ACAP1: variants seen among roughly 807,000 people sequenced by gnomAD.
The protein encoded by ACAP1 is ArfGAP with coiled-coil, ankyrin repeat and PH domains 1.
Under a neutral mutation model 98.8 loss-of-function variants are expected in ACAP1, and 45 were observed. The ratio of observed to expected loss-of-function variants is 0.46; its 90% CI spans 0.36 to 0.58. The LOEUF is 0.58. ACAP1 is among the 20% of genes least tolerant of loss of function. The pLI, the probability that ACAP1 is intolerant of heterozygous loss-of-function variation, is 0.00. For missense variants in ACAP1, 735 were observed against 971.4 expected, an observed-to-expected ratio of 0.76 and a Z score of 3.24; for synonymous variants, 362 against 375.3, an observed-to-expected ratio of 0.96 and a Z score of 0.41.
Position 7,348,476 on chromosome 17 carries a change from G to A in ACAP1, c.1678+1G>A. ...CCAGGGAGCTTGAGATCCAAGCCAGGTATAGGGTTGGTTGGGCATTCATTG... is the reference window on the plus strand; with the variant it reads ...CCAGGGAGCTTGAGATCCAAGCCAGATATAGGGTTGGTTGGGCATTCATTG... On this transcript the variant is annotated splice_donor_variant, in intron 17 of 21. Coordinates refer to ENST00000158762, the MANE Select transcript of ACAP1 (RefSeq NM_014716.4). LOFTEE classifies it high-confidence loss of function. The A allele has an allele frequency of 6.8e-7, 1 of 1,472,204 alleles. No homozygotes were observed. The highest frequency in any genetic ancestry group is 1.4e-5 in the African/African-American group (1 of 71,000). The allele number at this position is 1,472,204 out of a possible 1,614,324, so 91.2% of individuals were successfully genotyped here.
intron 5 of ACAP1, 196 bp downstream of exon 5, chr17:7,342,670 C>G (rs776360366): frequency 6.2e-6 from 4 of 641,492 alleles, no homozygotes; most frequent in African/African-American, 5.5e-5. Flanking sequence ...GAGGCCAAGG[C>G]GGGCGGATCA....
At position 7,347,223 on chromosome 17, in the gene ACAP1, C is replaced by T; in HGVS notation, c.1324C>T (p.Gln442Ter). ...CAACCTTGGTGTCACCCTCTGCATT[C>T]AGTGTTCCGGCATCCACAGGTTACT... ...SINLGVTLCI[Q>*]CSGIHRSLGV... The change falls in exon 14 of 22, where the codon CAG becomes TAG. Residue 442 changes from glutamine (Q) to a stop codon, truncating the protein, a stop_gained. Coordinates refer to ENST00000158762, the MANE Select transcript of ACAP1 (RefSeq NM_014716.4). LOFTEE classifies it high-confidence loss of function. The T allele has an allele frequency of 1.9e-6, 3 of 1,613,110 alleles. No homozygotes were observed. Among genetic ancestry groups the T allele is most frequent in the Non-Finnish European group, 2.5e-6 (3 of 1,179,404 alleles).
chr17:7,348,169 G>C lies in ACAP1; in HGVS notation c.1456G>C (p.Glu486Gln). ...LGNVIINQIYEARVEAMAVKK... is the reference protein window; with the variant it reads ...LGNVIINQIYQARVEAMAVKK... The stretch of plus-strand genomic sequence containing the variant: ...AAATGTCATCATCAACCAGATCTAT[G>C]AGGCCCGCGTGGAGGCCATGGCAGT... The change falls in exon 16 of 22, where the codon GAG (glutamate) becomes CAG (glutamine). Residue 486 changes from glutamate (E) to glutamine (Q), a missense_variant. This residue lies in a region of ACAP1 where 81 missense variants were observed against 132.0 expected (regional missense o/e 0.61). Transcript: ENST00000158762. The C allele has an allele frequency of 6.2e-7, 1 of 1,614,064 alleles. No individual in the cohort carries two copies.
chr17:7,347,815 C>T (rs113180181), intron 14 of ACAP1, 107 bp from the exon 15 acceptor site: 19,505 of 911,564 alleles, frequency 0.021, 274 homozygotes, highest in Non-Finnish European at 0.029. Context: ...CACCTCTGCA[C>T]GGGCCCCCAT....
At position 7,343,268 on chromosome 17, in the gene ACAP1, T is replaced by C. The variant is rs1432378906; in HGVS notation, c.345-111T>C. On this transcript the variant is annotated intron_variant, in intron 5 of 21. Transcript: ENST00000158762. The surrounding 1 kb of genome is among the most constrained non-coding windows in gnomAD (Gnocchi z 4.9). ...CTTCCGTCCCAGGGATCACCTTGGG[T>C]TTCCCACGTTGCAGAGACTAACTGA... The C allele has an allele frequency of 4.3e-6, 5 of 1,173,712 alleles. No homozygotes were observed. Among genetic ancestry groups the C allele is most frequent in the Non-Finnish European group, 4.8e-6 (4 of 832,298 alleles). 72.7% of individuals were successfully genotyped at this position (1,173,712 alleles called of 1,614,324 possible).
chr17:7,347,018 C>T lies in ACAP1; in HGVS notation c.1132-13C>T. The stretch of plus-strand genomic sequence containing the variant: ...GGCCCCTTGGCCACCCTTTCTTCCC[C>T]TCTCTCCCCCAGGGCTCAGGACACC... On this transcript the variant is annotated splice_polypyrimidine_tract_variant and intron_variant, in intron 13 of 21. Coordinates refer to ENST00000158762, the MANE Select transcript of ACAP1 (RefSeq NM_014716.4). 1 of 1,571,136 alleles carries T rather than the reference C, an allele frequency of 6.4e-7. No individual in the cohort carries two copies. The highest frequency in any genetic ancestry group is 8.7e-7 in the Non-Finnish European group (1 of 1,153,948).
At chr17:7,348,941 T>C (rs1247092804) in intron 17 of ACAP1, 54 bp from the exon 18 acceptor site, 17 of 1,552,962 alleles carry the variant, frequency 1.1e-5, no homozygotes, top group Non-Finnish European at 1.5e-5. Context: ...GCTGAGGGTT[T>C]TCTTCCCAGA....
In ACAP1 at chr17:7,348,425, C is replaced by T. The variant is rs764835032; in HGVS notation, c.1628C>T (p.Pro543Leu). 38 of 1,512,074 alleles carry T rather than the reference C, an allele frequency of 2.5e-5. No homozygotes were observed. In the South Asian group the frequency reaches 3.7e-4, roughly 15 times the overall value. 93.7% of individuals were successfully genotyped at this position (1,512,074 alleles called of 1,614,324 possible). A position where few individuals can be genotyped will look rare whatever the true frequency, so the allele number is the denominator to read the frequency against. ...CGCCCAAGGGGGCAGCCTCCTGTGC[C>T]CCCAAAGCCTTCCATCAGGCCCCGG... The part of the protein sequence containing the change: ...RGRPRGQPPV[P>L]PKPSIRPRPG... The change falls in exon 17 of 22, where the codon CCC (proline) becomes CTC (leucine). Residue 543 changes from proline to leucine, a missense_variant. By Grantham distance (98) the Pro-to-Leu change is moderately conservative. Transcript: ENST00000158762.
In ACAP1 at chr17:7,349,095, C is replaced by T. The variant is rs761183444; in HGVS notation, c.1779C>T (p.Ala593=). The T allele has an allele frequency of 2.5e-6, 4 of 1,614,054 alleles. No homozygotes were observed. In the South Asian group the frequency reaches 4.4e-5, roughly 18 times the overall value. ...TTCCCACCATGGCTGATGCCCTTGC[C>T]CATGGAGCTGATGTCAACTGGGTCA... ...PSLPTMADAL[A]HGADVNWVNG... Residue 593 remains alanine (A), a synonymous_variant, in exon 18 of 22, where the codon GCC becomes GCT. Coordinates refer to ENST00000158762, the MANE Select transcript of ACAP1 (RefSeq NM_014716.4).
rs1411396381 is a variant in ACAP1 at position 7,350,310 on chromosome 17, G to C, written c.2072+73G>C. On this transcript the variant is annotated intron_variant, in intron 20 of 21. Transcript: ENST00000158762. This position sits in a 1 kb window ranked among gnomAD's most constrained non-coding sequence, Gnocchi z 4.6. ...CCCGCCCACCCACGTTCGGGCGGGC[G>C]GGCGGGGCTGACGCCGAAACAGAAG... The C allele has an allele frequency of 8.1e-7, 1 of 1,238,728 alleles. No homozygotes were observed. The highest frequency in any genetic ancestry group is 1.1e-6 in the Non-Finnish European group (1 of 877,060). The allele number at this position is 1,238,728 out of a possible 1,614,324, so 76.7% of individuals were successfully genotyped here.
In ACAP1 at chr17:7,348,359, C is replaced by T. The variant is rs201511359; in HGVS notation, c.1562C>T (p.Thr521Ile). 101 of 1,576,104 alleles carry T rather than the reference C, an allele frequency of 6.4e-5. 2 individuals are homozygous for T. Among genetic ancestry groups the T allele is most frequent in the South Asian group, 1.5e-4 (13 of 86,400 alleles). ...HAKYVEKKFL[T>I]KLPEIRGRRG... is the part of the protein sequence containing the mutation. ...AAATACGTGGAGAAGAAGTTCCTGA[C>T]CAAGCTGCCTGAGATTCGAGGGCGA... is the stretch of plus-strand genomic sequence containing the variant. The change falls in exon 17 of 22, where the codon ACC becomes ATC. Residue 521 changes from threonine (T) to isoleucine (I), a missense_variant. Physicochemically the swap from Thr to Ile is moderately conservative, Grantham distance 89. Transcript: ENST00000158762.
chr17:7,351,133 C>A, intron 21 of ACAP1, 134 bp downstream of exon 21: 1 of 1,123,510 alleles, frequency 8.9e-7, no homozygotes, highest in Non-Finnish European at 1.3e-6. Context: ...GCGCATGCGA[C>A]GTGCCAGGCC....
At chr17:7,341,863 G>A (rs2073283393) in intron 2 of ACAP1, 85 bp from the exon 3 acceptor site, 17 of 1,582,968 alleles carry the variant, frequency 1.1e-5, no homozygotes, top group African/African-American at 1.3e-5. Context: ...CCCTGGGCAA[G>A]GGGAGAGGAA....
rs569871364 is a variant in ACAP1 at position 7,340,132 on chromosome 17, C to A, written c.112-1816C>A. On this transcript the variant is annotated intron_variant, in intron 2 of 21. Transcript: ENST00000158762. Reference sequence around the variant, plus strand: ...CTGTTTTGTTTTTAAATTAGCCAGGCATGGTGGTGTGTGCCTGTAGTCTCA... The same window carrying A: ...CTGTTTTGTTTTTAAATTAGCCAGGAATGGTGGTGTGTGCCTGTAGTCTCA... Among the ~76,000 whole-genome samples, 3 of 152,030 alleles carry A rather than the reference C, an allele frequency of 2.0e-5. No homozygotes were observed. In the South Asian group the frequency reaches 6.2e-4, roughly 32 times the overall value.
Position 7,343,387 on chromosome 17 carries a change from G to A in ACAP1, c.353G>A (p.Arg118Gln), listed in dbSNP as rs200521215. Reference sequence around the variant, plus strand: ...TATTTTCCCATCCTCAGAGGTCTGCGGGGTTTCCGAGAGGCTCGCCGGGAT... The same window carrying A: ...TATTTTCCCATCCTCAGAGGTCTGCAGGGTTTCCGAGAGGCTCGCCGGGAT... ...QIQTLVKEGL[R>Q]GFREARRDFW... The change falls in exon 6 of 22, where the codon CGG (arginine) becomes CAG (glutamine). Residue 118 changes from arginine (R) to glutamine (Q), a missense_variant. Transcript: ENST00000158762. The surrounding 1 kb of genome is among the most constrained non-coding windows in gnomAD (Gnocchi z 4.9). 8.8e-5 allele frequency: 142 copies of A among 1,612,834 alleles called. No homozygotes were observed. In the East Asian group the frequency reaches 2.8e-3, roughly 32 times the overall value.
At chr17:7,349,584 C>T (rs2073382653) in intron 18 of ACAP1, 4 of 269,578 alleles carry the variant, frequency 1.5e-5, no homozygotes, top group Non-Finnish European at 2.8e-5. Context: ...ACCGTGTTAG[C>T]CAGGATGGTC....
At chr17:7,349,379 C>CG (rs2073379758) in intron 18 of ACAP1, 1 of 368,978 alleles carries the variant, frequency 2.7e-6, no homozygotes, top group Non-Finnish European at 4.9e-6. Context: ...TTACAGGAGA[C>CG]TTTTTTTTTT....
chr17:7,343,654 T>A lies in ACAP1; in HGVS notation c.529-52T>A. On this transcript the variant is annotated intron_variant, in intron 6 of 21. Coordinates refer to ENST00000158762, the MANE Select transcript of ACAP1 (RefSeq NM_014716.4). The surrounding 1 kb of genome is among the most constrained non-coding windows in gnomAD (Gnocchi z 4.9). Reference sequence around the variant, plus strand: ...TCCAGTGTGCAGTGGGAAGGGGTGCTGTGTCTTCAAGACTGATCTGGGGTT... The same window carrying A: ...TCCAGTGTGCAGTGGGAAGGGGTGCAGTGTCTTCAAGACTGATCTGGGGTT... The A allele has an allele frequency of 6.2e-7, 1 of 1,601,446 alleles. No homozygotes were observed.
chr17:7,342,046 T>C lies in ACAP1; in HGVS notation c.210T>C (p.Gly70=), dbSNP rs761122831. Reference sequence around the variant, plus strand: ...GCATTTGTGACCTGGCCCGCCTGGGTCCACCAGAGCCCATGATGGCGGTAT... The same window carrying C: ...GCATTTGTGACCTGGCCCGCCTGGGCCCACCAGAGCCCATGATGGCGGTAT... ...VVGICDLARL[G]PPEPMMAECL... is the part of the protein sequence containing the mutation. Residue 70 remains glycine, a synonymous_variant, in exon 3 of 22, where the codon GGT becomes GGC. Transcript: ENST00000158762. The C allele has an allele frequency of 1.2e-6, 2 of 1,613,952 alleles. No individual in the cohort carries two copies. Among genetic ancestry groups the C allele is most frequent in the African/African-American group, 1.3e-5 (1 of 74,902 alleles).
Sources: gnomAD v4.1 joint callset for allele counts (sites outside exome capture counted in the v4.1 genomes callset) on GRCh38, gnomAD v4.1.1 for gene constraint, gnomAD v4.1.1 regional missense constraint, Gnocchi (gnomAD v3.1) non-coding constraint, MANE v1.5 for transcripts, NCBI Gene and HGNC (gene_info 2026-07-23, HGNC 2026-07-21) for gene names.